RAB3B: variants seen among roughly 807,000 people sequenced by gnomAD.
The protein encoded by RAB3B is RAB3B, member RAS oncogene family, also known as ras-related protein Rab-3B.
RAB3B carries 11 observed loss-of-function variants against 20.5 expected under a neutral mutation model. That is an observed-to-expected ratio of 0.54 (90% CI 0.34 to 0.89). The LOEUF (loss-of-function observed/expected upper bound fraction) is 0.89. Among genes scored for constraint, RAB3B ranks in the 40% least tolerant of loss-of-function variants. RAB3B has a pLI of 0.02. For missense variants in RAB3B, 225 were observed against 280.9 expected (o/e 0.80, Z 1.42); for synonymous variants, 99 against 106.3 (o/e 0.93, Z 0.42).
intron 4 of RAB3B, among the ~76,000 whole-genome samples, chr1:51,928,409 A>G (rs1465836522): frequency 6.6e-6 from 1 of 152,226 alleles, no homozygotes; most frequent in African/African-American, 2.4e-5. Flanking sequence ...GCCCAGCCTC[A>G]CAGCTTTAAT....
intron 2 of RAB3B, among the ~76,000 whole-genome samples, chr1:51,958,657 A>G (rs1367747254): frequency 1.3e-5 from 2 of 151,110 alleles, no homozygotes; most frequent in African/African-American, 2.4e-5. Context: ...CGGGAGGCGG[A>G]GGTTGCGGTG....
At chr1:51,952,778 T>G (rs1017549720) in intron 2 of RAB3B, among the ~76,000 whole-genome samples, 1 of 152,150 alleles carries the variant, frequency 6.6e-6, no homozygotes, top group South Asian at 2.1e-4. Context: ...TTGCCCTAAA[T>G]TAAAAACATG....
intron 2 of RAB3B, among the ~76,000 whole-genome samples, chr1:51,950,256 G>A (rs538340755): frequency 1.3e-5 from 2 of 152,304 alleles, no homozygotes; most frequent in African/African-American, 4.8e-5. Context: ...TTGAAGGTGG[G>A]GTTTCATCAG....
Position 51,912,184 on chromosome 1 carries a change from G to C in RAB3B, c.*7743C>G, listed in dbSNP as rs867880280. The C allele has an allele frequency of 2.7e-5, 4 of 147,400 alleles. No individual in the cohort carries two copies. In the South Asian group the frequency reaches 8.6e-4, roughly 32 times the overall value. 9.1% of individuals were successfully genotyped at this position (147,400 alleles called of 1,614,324 possible). On this transcript the variant is annotated 3_prime_UTR_variant, in exon 5 of 5. Transcript: ENST00000371655. ...CTGTCACCCAGGCTGGAGTGGCACA[G>C]TGTACAATCATGGCTATGGCTCACT...
intron 2 of RAB3B, among the ~76,000 whole-genome samples, chr1:51,960,771 G>A (rs1684774411): frequency 1.3e-5 from 2 of 152,160 alleles, no homozygotes; most frequent in South Asian, 4.1e-4. Context: ...TTTCTCTGTT[G>A]ATGACTCCGC....
chr1:51,925,096 C>T (rs999989525), intron 4 of RAB3B, among the ~76,000 whole-genome samples: 5 of 152,190 alleles, frequency 3.3e-5, no homozygotes, highest in Non-Finnish European at 7.3e-5. Flanking sequence ...CTTCTGAATA[C>T]GACCTCAGAA....
chr1:51,987,162 C>T (rs1272710111), intron 1 of RAB3B, among the ~76,000 whole-genome samples: 6 of 152,246 alleles, frequency 3.9e-5, no homozygotes. Context: ...AAGGAAGAAG[C>T]CAACTTCAGC....
rs1183030041 is a variant in RAB3B, at chr1:51,908,850, G to A, written c.*11077C>T. ...GGCCTCAGTCTTCCTCATCTGTACT[G>A]GAAATAATAAAACCCACATCACAGT... is the stretch of plus-strand genomic sequence containing the variant. On this transcript the variant is annotated 3_prime_UTR_variant, in exon 5 of 5. Coordinates refer to ENST00000371655, the MANE Select transcript of RAB3B (RefSeq NM_002867.4). The A allele has an allele frequency of 6.6e-6, 1 of 152,162 alleles. No individual in the cohort carries two copies. Among genetic ancestry groups the A allele is most frequent in the Non-Finnish European group, 1.5e-5 (1 of 68,118 alleles). The allele number at this position is 152,162 out of a possible 1,614,324, so 9.4% of individuals were successfully genotyped here.
At chr1:51,938,621 G>C (rs1935287) in intron 2 of RAB3B, among the ~76,000 whole-genome samples, 7,163 of 151,734 alleles carry the variant, frequency 0.047, 198 homozygotes, top group Middle Eastern at 0.075. Context: ...AAGGTTAATA[G>C]AGATTTTCTC....
intron 2 of RAB3B, among the ~76,000 whole-genome samples, chr1:51,957,929 C>G (rs1293306624): frequency 6.6e-6 from 1 of 152,192 alleles, no homozygotes; most frequent in African/African-American, 2.4e-5. Flanking sequence ...AGGCCGGTAT[C>G]CTGAGAGGAC....
chr1:51,973,329 T>C (rs993701347), intron 2 of RAB3B: 1 of 152,218 alleles, frequency 6.6e-6, no homozygotes, highest in Non-Finnish European at 1.5e-5. Flanking sequence ...AACTTTATTT[T>C]TGCTGCATAA....
rs376419883 is a variant in RAB3B at position 51,922,205 on chromosome 1, C to T, written c.473-2091G>A. 2.0e-5 allele frequency among the ~76,000 whole-genome samples: 3 copies of T among 152,320 alleles called. No individual in the cohort carries two copies. The East Asian group carries it at 5.8e-4, about 29-fold the overall frequency. On this transcript the variant is annotated intron_variant, in intron 4 of 4. Transcript: ENST00000371655. ...AATGGACTCCCCAGTCTTTGACTGC[C>T]TTATCACAAGTGGCAGTGTTTGGGG... is the stretch of plus-strand genomic sequence containing the variant.
chr1:51,966,243 C>A (rs965664630), intron 2 of RAB3B, among the ~76,000 whole-genome samples: 6 of 152,250 alleles, frequency 3.9e-5, no homozygotes, highest in African/African-American at 1.4e-4. Flanking sequence ...CAAGACCCTG[C>A]TCAAATGTCC....
chr1:51,921,137 A>C (rs1300697912), intron 4 of RAB3B, among the ~76,000 whole-genome samples: 1 of 152,132 alleles, frequency 6.6e-6, no homozygotes. Context: ...AGCCCTTAGA[A>C]GCAAAAGTGG....
At chr1:51,936,235 C>A (rs540927194) in intron 3 of RAB3B, among the ~76,000 whole-genome samples, 14 of 152,234 alleles carry the variant, frequency 9.2e-5, no homozygotes, top group Middle Eastern at 3.4e-3. Flanking sequence ...TGGGTCCTGG[C>A]CCTCCCTCTC....
intron 2 of RAB3B, among the ~76,000 whole-genome samples, chr1:51,974,211 T>A (rs1259315723): frequency 6.6e-6 from 1 of 152,216 alleles, no homozygotes; most frequent in African/African-American, 2.4e-5. Context: ...TGCATGGAAC[T>A]GTAAGGATGA....
At chr1:51,979,951 A>G (rs575402871) in intron 1 of RAB3B, among the ~76,000 whole-genome samples, 73 of 152,028 alleles carry the variant, frequency 4.8e-4, no homozygotes, top group Admixed American at 2.2e-3. Flanking sequence ...TGAGGCAGGA[A>G]AATGGCGTGA....
At chr1:51,972,050 G>A (rs1379916253) in intron 2 of RAB3B, among the ~76,000 whole-genome samples, 2 of 152,140 alleles carry the variant, frequency 1.3e-5, no homozygotes, top group South Asian at 2.1e-4. Flanking sequence ...GCGTGGTGGT[G>A]TACGCCTGTA....
rs12730 is a variant in RAB3B at position 51,908,222 on chromosome 1, A to T, written c.*11705T>A. 1 of 151,992 alleles carries T rather than the reference A, an allele frequency of 6.6e-6. No individual in the cohort carries two copies. The highest frequency in any genetic ancestry group is 1.5e-5 in the Non-Finnish European group (1 of 68,000). The allele number at this position is 151,992 out of a possible 1,614,324, so 9.4% of individuals were successfully genotyped here. A position where few individuals can be genotyped will look rare whatever the true frequency, so the allele number is the denominator to read the frequency against. On this transcript the variant is annotated 3_prime_UTR_variant, in exon 5 of 5. Transcript: ENST00000371655. ...ATACAGAACATAGGAAGAAGAAAAA[A>T]GCATGAGAACATCTGCTTAGTTAGA... is the stretch of plus-strand genomic sequence containing the variant.
Sources: allele counts gnomAD v4.1 joint callset (sites outside exome capture counted in the v4.1 genomes callset), GRCh38; gene constraint gnomAD v4.1.1; transcripts MANE v1.5; gene names NCBI Gene and HGNC (gene_info 2026-07-23, HGNC 2026-07-21).